Variants in ITSN1 observed in about 807,000 individuals in gnomAD.
ITSN1 encodes the protein intersectin-1.
ITSN1 carries 58 observed loss-of-function variants against 239.8 expected under a neutral mutation model. That is an observed-to-expected ratio of 0.24 (90% confidence interval 0.20 to 0.30). The LOEUF (loss-of-function observed/expected upper bound fraction) is 0.30. Among genes scored for constraint, ITSN1 ranks in the 10% least tolerant of loss-of-function variants. The pLI, the probability that ITSN1 is intolerant of heterozygous loss-of-function variation, is 1.00. For synonymous variants in ITSN1, 780 were observed against 770.8 expected (o/e 1.01, Z -0.20); for missense variants, 1,558 against 2,103.3 (o/e 0.74, Z 5.07).
chr21:33,761,119 A>G (rs2068287909), intron 8 of ITSN1, among the ~76,000 whole-genome samples: 1 of 151,340 alleles, frequency 6.6e-6, no homozygotes, highest in Non-Finnish European at 1.5e-5. Context: ...TCTGTTGCCC[A>G]GGATGGAGTG....
chr21:33,836,046 G>A (rs1384132021), intron 28 of ITSN1, among the ~76,000 whole-genome samples: 3 of 152,222 alleles, frequency 2.0e-5, no homozygotes, highest in Non-Finnish European at 4.4e-5. Flanking sequence ...AAAAATGATA[G>A]TAAAGTCCCC....
intron 11 of ITSN1, 92 bp downstream of exon 11, chr21:33,767,920 T>G (rs1347072775): frequency 1.4e-6 from 1 of 698,976 alleles, no homozygotes; most frequent in Non-Finnish European, 2.4e-6. Context: ...TAAACATAAA[T>G]TTAGTTTTTG....
At chr21:33,728,024 G>T (rs2147172554) in intron 4 of ITSN1, among the ~76,000 whole-genome samples, 1 of 151,602 alleles carries the variant, frequency 6.6e-6, no homozygotes, top group East Asian at 1.9e-4. Flanking sequence ...CTGGGCAGTG[G>T]CGCAATCTGG....
intron 9 of ITSN1, among the ~76,000 whole-genome samples, chr21:33,765,110 A>G (rs1233499062): frequency 1.3e-5 from 2 of 152,364 alleles, no homozygotes. Flanking sequence ...CTTTCTGCCA[A>G]AATGACAGAA....
At chr21:33,697,086 CTT>C (rs879424954) in intron 1 of ITSN1, among the ~76,000 whole-genome samples, 11 of 139,088 alleles carry the variant, frequency 7.9e-5, no homozygotes, top group South Asian at 2.3e-4. Flanking sequence ...TAGATTGTCT[CTT>C]TTTTTTTTTT....
intron 16 of ITSN1, among the ~76,000 whole-genome samples, chr21:33,788,401 C>G (rs1220100685): frequency 6.6e-6 from 1 of 152,142 alleles, no homozygotes; most frequent in African/African-American, 2.4e-5. Context: ...AATTTTTGAA[C>G]ATGTTTTCAA....
chr21:33,721,625 G>A (rs1031456793), intron 3 of ITSN1, among the ~76,000 whole-genome samples: 4 of 151,324 alleles, frequency 2.6e-5, no homozygotes, highest in Non-Finnish European at 2.9e-5. Context: ...GTGAAACCCC[G>A]TCTCTACTAA....
chr21:33,646,038 C>T (rs916833096), intron 1 of ITSN1, among the ~76,000 whole-genome samples: 4 of 151,488 alleles, frequency 2.6e-5, no homozygotes, highest in Non-Finnish European at 5.9e-5. Flanking sequence ...TGAGTGAATA[C>T]GTGAATTACA....
At chr21:33,883,498 G>T (rs1985273027) in intron 35 of ITSN1, 52 bp from the exon 36 acceptor site, 1 of 1,603,380 alleles carries the variant, frequency 6.2e-7, no homozygotes, top group African/African-American at 1.3e-5. Flanking sequence ...CGGTTTACCG[G>T]AGCACACAGA....
chr21:33,707,583 T>G (rs1040447796), intron 1 of ITSN1, among the ~76,000 whole-genome samples: 12 of 152,230 alleles, frequency 7.9e-5, no homozygotes, highest in Non-Finnish European at 1.6e-4. Flanking sequence ...AAACCACTGA[T>G]GGGGTTTTTG....
chr21:33,713,537 G>A (rs191878001), intron 1 of ITSN1, among the ~76,000 whole-genome samples: 2 of 151,158 alleles, frequency 1.3e-5, no homozygotes, highest in African/African-American at 2.4e-5. Flanking sequence ...CACCACTCCC[G>A]GTCTCAACAT....
chr21:33,809,567 T>A (rs1464501564), intron 20 of ITSN1, among the ~76,000 whole-genome samples: 1 of 152,228 alleles, frequency 6.6e-6, no homozygotes, highest in Non-Finnish European at 1.5e-5. Flanking sequence ...TGCTTTATTT[T>A]TAATTAATTT....
chr21:33,735,251 A>G (rs2066425039), intron 5 of ITSN1, 47 bp downstream of exon 5: 4 of 1,568,108 alleles, frequency 2.6e-6, no homozygotes, highest in Non-Finnish European at 3.5e-6. Flanking sequence ...GTATATTTTA[A>G]AAATAAATGT....
intron 1 of ITSN1, among the ~76,000 whole-genome samples, chr21:33,661,972 A>G: frequency 6.6e-6 from 1 of 152,006 alleles, no homozygotes; most frequent in East Asian, 1.9e-4. Flanking sequence ...CTGAACCCCC[A>G]TGAAAGGGTC....
chr21:33,715,868 A>G lies in ITSN1; in HGVS notation c.-32-2929A>G, dbSNP rs568533054. Reference sequence around the variant, plus strand: ...AGGAGGTGGAGGTTGCAGTGAGCCAAGATTGCACCACTGCACTCCAGCCTG... The same window carrying G: ...AGGAGGTGGAGGTTGCAGTGAGCCAGGATTGCACCACTGCACTCCAGCCTG... On this transcript the variant is annotated intron_variant, in intron 1 of 39. Transcript: ENST00000381318. 7.2e-5 allele frequency among the ~76,000 whole-genome samples: 11 copies of G among 152,292 alleles called. No individual in the cohort carries two copies. The South Asian group carries it at 2.3e-3, about 32-fold the overall frequency.
intron 11 of ITSN1, among the ~76,000 whole-genome samples, chr21:33,771,303 G>A (rs2069138972): frequency 6.6e-6 from 1 of 152,144 alleles, no homozygotes; most frequent in South Asian, 2.1e-4. Context: ...TCTTAGATGT[G>A]GACCAGGGAC....
intron 16 of ITSN1, among the ~76,000 whole-genome samples, chr21:33,784,310 A>AACACAC (rs58496273): frequency 0.018 from 2,462 of 134,176 alleles, 30 homozygotes; most frequent in South Asian, 0.031. Flanking sequence ...GTCTCTACAA[A>AACACAC]ACACACACAC....
chr21:33,781,347 C>T (rs748029163), intron 14 of ITSN1, 114 bp from the exon 15 acceptor site: 4 of 651,982 alleles, frequency 6.1e-6, no homozygotes, highest in Non-Finnish European at 1.1e-5. Flanking sequence ...TGCAGCTTCA[C>T]CATGCAGGAT....
intron 25 of ITSN1, among the ~76,000 whole-genome samples, chr21:33,826,558 T>TGG (rs1208704262): frequency 2.0e-5 from 3 of 152,234 alleles, no homozygotes; most frequent in Non-Finnish European, 4.4e-5. Context: ...TGCCTGTGCT[T>TGG]GGAGCCCTCT....
Sources: gnomAD v4.1 joint callset for allele counts (sites outside exome capture counted in the v4.1 genomes callset) on GRCh38, gnomAD v4.1.1 for gene constraint, MANE v1.5 for transcripts, NCBI Gene and HGNC (gene_info 2026-07-23, HGNC 2026-07-21) for gene names.